Variants in SLC4A11 observed in about 807,000 individuals in gnomAD.
SLC4A11 encodes solute carrier family 4 member 11.
Under a neutral mutation model 95.0 loss-of-function variants are expected in SLC4A11, and 74 were observed. That is an observed-to-expected ratio of 0.78 (90% CI 0.65 to 0.95). SLC4A11 has a LOEUF of 0.95. SLC4A11 is among the 40% of genes least tolerant of loss of function. SLC4A11 has a pLI of 0.00. For missense variants in SLC4A11, 1,081 were observed against 1,192.4 expected (o/e 0.91, Z 1.38); for synonymous variants, 548 against 519.0 (o/e 1.06, Z -0.76).
intron 7 of SLC4A11, among the ~76,000 whole-genome samples, chr20:3,232,631 T>C (rs1306995136): frequency 3.3e-5 from 5 of 152,210 alleles, no homozygotes; most frequent in Non-Finnish European, 2.9e-5. Flanking sequence ...GAGAATCGCT[T>C]GAACCTGGGA....
chr20:3,236,453 G>T (rs2067983693), intron 2 of SLC4A11, among the ~76,000 whole-genome samples: 1 of 152,130 alleles, frequency 6.6e-6, no homozygotes, highest in Non-Finnish European at 1.5e-5. Context: ...GCCGGGTGTG[G>T]TGGCGGGCGC....
At chr20:3,237,735 G>T in intron 1 of SLC4A11, 147 bp from the exon 2 acceptor site, 1 of 1,613,776 alleles carries the variant, frequency 6.2e-7, no homozygotes, top group Admixed American at 1.7e-5. Context: ...AAGGGAAGCA[G>T]GGGACAGTGC....
Position 3,234,107 on chromosome 20 carries a change from C to T in SLC4A11, c.499G>A (p.Ala167Thr). Residue 167 changes from alanine to threonine, a missense_variant, in exon 5 of 20, where the codon GCC becomes ACC. Ala to Thr is a moderately conservative substitution (Grantham distance 58). Coordinates refer to ENST00000642402, the MANE Select transcript of SLC4A11 (RefSeq NM_001174089.2). This position sits in a 1 kb window ranked among gnomAD's most constrained non-coding sequence, Gnocchi z 5.8. ...DLLMAMLFTD[A>T]GAPMRGKVHL... ...CCTTTACCCCGCATGGGTGCCCCGG[C>T]ATCGGTGAAGAGCATGGCCATGAGC... 2.5e-6 allele frequency: 4 copies of T among 1,614,026 alleles called. No homozygotes were observed. The highest frequency in any genetic ancestry group is 3.4e-6 in the Non-Finnish European group (4 of 1,180,026).
rs869320721 is a variant in SLC4A11 at position 3,234,173 on chromosome 20, T to TGGCGAAGC, written c.425_432dup (p.Arg145AlafsTer48). On this transcript the variant is annotated frameshift_variant, in exon 5 of 20. Transcript: ENST00000642402. LOFTEE classifies it high-confidence loss of function. This position sits in a 1 kb window ranked among gnomAD's most constrained non-coding sequence, Gnocchi z 5.8. ...TTGGGCTCATTGTTGTCAGGGTCCC[T>TGGCGAAGC]GGCGAAGCGGCGAAGCATGGTCCGC... 1 of 1,613,896 alleles carries TGGCGAAGC rather than the reference T, an allele frequency of 6.2e-7. No homozygotes were observed. The highest frequency in any genetic ancestry group is 1.3e-5 in the African/African-American group (1 of 74,992).
intron 2 of SLC4A11, 22 bp downstream of exon 2, chr20:3,237,522 A>C (rs2068019586): frequency 6.2e-7 from 1 of 1,612,412 alleles, no homozygotes; most frequent in African/African-American, 1.3e-5. Context: ...CTGCACACAC[A>C]CACTCCCCGA....
intron 2 of SLC4A11, 128 bp from the exon 3 acceptor site, chr20:3,235,022 C>A: frequency 8.5e-7 from 1 of 1,172,558 alleles, no homozygotes; most frequent in Non-Finnish European, 1.2e-6. Flanking sequence ...AGAGGCCATC[C>A]CATAGGCGAG....
chr20:3,234,092 G>A lies in SLC4A11; in HGVS notation c.514C>T (p.Arg172Trp), dbSNP rs200372280. The A allele has an allele frequency of 4.5e-5, 72 of 1,613,906 alleles. No individual in the cohort carries two copies. The highest frequency in any genetic ancestry group is 3.6e-4 in the East Asian group (16 of 44,872). Residue 172 changes from arginine (R) to tryptophan (W), a missense_variant, in exon 5 of 20, where the codon CGG (arginine) becomes TGG (tryptophan). By Grantham distance (101) the Arg-to-Trp change is moderately radical (BLOSUM62 -3). This residue lies in a region of SLC4A11 where 310 missense variants were observed against 313.5 expected (regional missense o/e 0.99). Transcript: ENST00000642402. The surrounding 1 kb of genome is among the most constrained non-coding windows in gnomAD (Gnocchi z 5.8). ...MLFTDAGAPMRGKVHLLSDTI... is the reference protein window; with the variant it reads ...MLFTDAGAPMWGKVHLLSDTI... ...GGGAGACCGGCCTCACCTTTACCCC[G>A]CATGGGTGCCCCGGCATCGGTGAAG...
Position 3,231,674 on chromosome 20 carries a change from G to T in SLC4A11, c.730-126C>A. The stretch of plus-strand genomic sequence containing the variant: ...GTCTGTTTGTTTTTTGTGTTTTTTT[G>T]AGACAGGGTCTCACTGTCACCCAGG... On this transcript the variant is annotated intron_variant, in intron 7 of 19. Transcript: ENST00000642402. This position sits in a 1 kb window ranked among gnomAD's most constrained non-coding sequence, Gnocchi z 5.2. The T allele has an allele frequency of 1.2e-6, 1 of 862,410 alleles. No individual in the cohort carries two copies. Among genetic ancestry groups the T allele is most frequent in the Non-Finnish European group, 1.9e-6 (1 of 538,962 alleles). 53.4% of individuals were successfully genotyped at this position (862,410 alleles called of 1,614,324 possible).
chr20:3,236,113 G>T (rs758943085), intron 2 of SLC4A11, among the ~76,000 whole-genome samples: 3 of 152,178 alleles, frequency 2.0e-5, no homozygotes, highest in African/African-American at 4.8e-5. Context: ...CTGCCAGGGA[G>T]TGACTCACCC....
At chr20:3,239,066 C>T (rs2068076738) in intron 1 of SLC4A11, 29 bp downstream of exon 1, 3 of 1,471,306 alleles carry the variant, frequency 2.0e-6, no homozygotes, top group East Asian at 3.0e-5. Context: ...GGCGGCCTTC[C>T]CGCCGCGCCC....
chr20:3,229,595 G>A lies in SLC4A11; in HGVS notation c.1671C>T (p.Thr557=), dbSNP rs370182539. The change falls in exon 14 of 20, where the codon ACC becomes ACT. Residue 557 remains threonine (T), a synonymous_variant. Coordinates refer to ENST00000642402, the MANE Select transcript of SLC4A11 (RefSeq NM_001174089.2). ...GCATGATGAGGAGGCTGAGCACGGCGGTCGCCTGGCCTGAGTGTGTGGCCG... is the reference window on the plus strand; with the variant it reads ...GCATGATGAGGAGGCTGAGCACGGCAGTCGCCTGGCCTGAGTGTGTGGCCG... ...LPSATHSGQA[T]AVLSLLIMLG... is the part of the protein sequence containing the mutation. 75 of 1,612,678 alleles carry A rather than the reference G, an allele frequency of 4.7e-5. No homozygotes were observed. The highest frequency in any genetic ancestry group is 6.7e-5 in the East Asian group (3 of 44,864).
chr20:3,235,974 G>A (rs149949761), intron 2 of SLC4A11, among the ~76,000 whole-genome samples: 72 of 152,134 alleles, frequency 4.7e-4, no homozygotes, highest in African/African-American at 1.6e-3. Context: ...AGCCCTTCCT[G>A]TCTTGTGGGT....
intron 2 of SLC4A11, among the ~76,000 whole-genome samples, chr20:3,235,279 C>CGTGT (rs141052665): frequency 5.8e-5 from 8 of 139,106 alleles, no homozygotes; most frequent in African/African-American, 2.3e-4. Context: ...GCAGTATCCA[C>CGTGT]GTCTCTCTCT....
intron 6 of SLC4A11, 84 bp downstream of exon 6, chr20:3,233,837 G>A: frequency 6.5e-7 from 1 of 1,545,860 alleles, no homozygotes. Context: ...CTCACAGGTG[G>A]GCTGGCCTCT....
Position 3,229,395 on chromosome 20 carries a change from C to T in SLC4A11, c.1800G>A (p.Ala600=), listed in dbSNP as rs199680637. ...EILSDCALPI[A]VLAFSLISSH... ...AGCTGATGAGGGAGAAGGCGAGCAC[C>T]GCGATGGGCAGGGCGCAGTCGGACA... Residue 600 remains alanine (A), a synonymous_variant, in exon 15 of 20, where the codon GCG becomes GCA. Transcript: ENST00000642402. 123 of 1,613,330 alleles carry T rather than the reference C, an allele frequency of 7.6e-5. 3 individuals are homozygous for T. Among genetic ancestry groups the T allele is most frequent in the South Asian group, 3.5e-4 (32 of 91,086 alleles).
rs551233236 is a variant in SLC4A11 at position 3,230,442 on chromosome 20, C to T, written c.1415+73G>A. On this transcript the variant is annotated intron_variant, in intron 12 of 19. Coordinates refer to ENST00000642402, the MANE Select transcript of SLC4A11 (RefSeq NM_001174089.2). The stretch of plus-strand genomic sequence containing the variant: ...CAATATGGTGGGGGCACCCCCACCA[C>T]CCTGGGGTTACAGGGGGCTGAACCA... 5.7e-4 allele frequency: 919 copies of T among 1,609,444 alleles called. 5 individuals carry two copies. The African/African-American group carries it at 0.011, about 19-fold the overall frequency.
At position 3,231,609 on chromosome 20, in the gene SLC4A11, G is replaced by C; in HGVS notation, c.730-61C>G. On this transcript the variant is annotated intron_variant, in intron 7 of 19. Transcript: ENST00000642402. The surrounding 1 kb of genome is among the most constrained non-coding windows in gnomAD (Gnocchi z 5.2). Reference sequence around the variant, plus strand: ...GAGGAGGCCCTGCCCGGGCCGAGCAGGTGAAGGTGCTCTCCCCATGAACTG... The same window carrying C: ...GAGGAGGCCCTGCCCGGGCCGAGCACGTGAAGGTGCTCTCCCCATGAACTG... 6.6e-7 allele frequency: 1 copy of C among 1,510,090 alleles called. No individual in the cohort carries two copies. Among genetic ancestry groups the C allele is most frequent in the Non-Finnish European group, 9.2e-7 (1 of 1,087,894 alleles). 93.5% of individuals were successfully genotyped at this position (1,510,090 alleles called of 1,614,324 possible). A position where few individuals can be genotyped will look rare whatever the true frequency, so the allele number is the denominator to read the frequency against.
At position 3,234,201 on chromosome 20, in the gene SLC4A11, C is replaced by G; in HGVS notation, c.405G>C (p.Val135=). ...CGAAGCGGCGAAGCATGGTCCGCAG[C>G]ACGTTATCCAGGGAGGTGGCCGTCT... ...LNETATSLDN[V]LRTMLRRFAR... Residue 135 remains valine (V), a synonymous_variant, in exon 5 of 20, where the codon GTG becomes GTC. Transcript: ENST00000642402. The surrounding 1 kb of genome is among the most constrained non-coding windows in gnomAD (Gnocchi z 5.8). The G allele has an allele frequency of 6.2e-7, 1 of 1,614,110 alleles. No individual in the cohort carries two copies. The highest frequency in any genetic ancestry group is 2.2e-5 in the East Asian group (1 of 44,880).
chr20:3,229,300 G>A (rs369158756), intron 15 of SLC4A11, 37 bp from the exon 16 acceptor site: 23 of 1,612,852 alleles, frequency 1.4e-5, no homozygotes, highest in East Asian at 2.2e-5. Context: ...TGCCTGCAGC[G>A]CCTGGGGAGC....
Sources: gnomAD v4.1 joint callset for allele counts (sites outside exome capture counted in the v4.1 genomes callset) on GRCh38, gnomAD v4.1.1 for gene constraint, gnomAD v4.1.1 regional missense constraint, Gnocchi (gnomAD v3.1) non-coding constraint, MANE v1.5 for transcripts, NCBI Gene and HGNC (gene_info 2026-07-23, HGNC 2026-07-21) for gene names.